Variants in RAD51B observed in about 807,000 individuals in gnomAD.
RAD51B encodes the protein RAD51 paralog B.
Under a neutral mutation model 42.2 loss-of-function variants are expected in RAD51B, and 38 were observed. The ratio of observed to expected loss-of-function variants is 0.90; its 90% CI spans 0.70 to 1.18. RAD51B has a LOEUF of 1.18. Ranked by LOEUF, RAD51B falls within the 50% of genes most tolerant of loss-of-function variation. The pLI is 0.00. For missense variants in RAD51B, 373 were observed against 400.7 expected (o/e 0.93, Z 0.59); for synonymous variants, 154 against 145.2 (o/e 1.06, Z -0.43).
At chr14:68,441,541 C>CAAAAAAAAAAAAAAAAAAAAAAA (rs67477807) in intron 9 of RAD51B, among the ~76,000 whole-genome samples, 1 of 68,034 alleles carries the variant, frequency 1.5e-5, no homozygotes, top group Non-Finnish European at 2.6e-5. Flanking sequence ...GACTCCATCT[C>CAAAAAAAAAAAAAAAAAAAAAAA]AAAAAAAAAA....
intron 7 of RAD51B, among the ~76,000 whole-genome samples, chr14:67,893,967 G>C (rs975852579): frequency 1.3e-5 from 2 of 152,144 alleles, no homozygotes; most frequent in Non-Finnish European, 2.9e-5. Context: ...CCATCATCTT[G>C]GTTCCTGGAG....
chr14:68,374,108 G>T (rs1204433996), intron 8 of RAD51B, among the ~76,000 whole-genome samples: 1 of 152,156 alleles, frequency 6.6e-6, no homozygotes, highest in East Asian at 1.9e-4. Flanking sequence ...TAAGTAAATT[G>T]CCCAATATCA....
chr14:68,155,228 A>T (rs1031953432), intron 7 of RAD51B, among the ~76,000 whole-genome samples: 2 of 148,694 alleles, frequency 1.3e-5, no homozygotes, highest in African/African-American at 5.0e-5. Context: ...GTCTCGCTCT[A>T]TTGCCCAGGC....
chr14:68,667,555 CA>C (rs1893058073), intron 11 of RAD51B, among the ~76,000 whole-genome samples: 2 of 152,200 alleles, frequency 1.3e-5, no homozygotes, highest in African/African-American at 4.8e-5. Context: ...CCATTACATC[CA>C]GCTGGAGCCA....
chr14:68,110,544 G>A (rs1425303618), intron 7 of RAD51B, among the ~76,000 whole-genome samples: 3 of 151,962 alleles, frequency 2.0e-5, no homozygotes, highest in African/African-American at 7.3e-5. Flanking sequence ...AGAATATCTG[G>A]TTTCATAAGC....
At chr14:68,048,931 C>G (rs1057444229) in intron 7 of RAD51B, among the ~76,000 whole-genome samples, 26 of 152,114 alleles carry the variant, frequency 1.7e-4, no homozygotes, top group Non-Finnish European at 2.8e-4. Context: ...CGGTACTATT[C>G]ACAATAGCAA....
intron 7 of RAD51B, among the ~76,000 whole-genome samples, chr14:68,057,424 C>T (rs1020299636): frequency 1.3e-5 from 2 of 151,938 alleles, no homozygotes; most frequent in Admixed American, 6.6e-5. Context: ...TAAAATATAT[C>T]TATAATGAAG....
intron 10 of RAD51B, among the ~76,000 whole-genome samples, chr14:68,470,932 A>G (rs2086108028): frequency 6.6e-6 from 1 of 152,156 alleles, no homozygotes; most frequent in Non-Finnish European, 1.5e-5. Flanking sequence ...CTGCAACATC[A>G]AAGCTAATTT....
At chr14:68,273,624 T>C (rs756154223) in intron 7 of RAD51B, among the ~76,000 whole-genome samples, 17 of 152,224 alleles carry the variant, frequency 1.1e-4, no homozygotes, top group Non-Finnish European at 2.1e-4. Flanking sequence ...AGGTGACCAC[T>C]TGAGTGGGCA....
At chr14:68,554,857 T>G (rs978975596) in intron 10 of RAD51B, among the ~76,000 whole-genome samples, 31 of 142,534 alleles carry the variant, frequency 2.2e-4, no homozygotes, top group Non-Finnish European at 4.9e-4. Context: ...TTAAAAAGTT[T>G]TTTTTTTTTT....
At chr14:68,375,088 A>G (rs746578733) in intron 8 of RAD51B, among the ~76,000 whole-genome samples, 2 of 152,022 alleles carry the variant, frequency 1.3e-5, no homozygotes, top group Non-Finnish European at 2.9e-5. Flanking sequence ...GTTAGTGCAG[A>G]TGGAACTGCT....
At chr14:68,137,924 T>G (rs1684914930) in intron 7 of RAD51B, among the ~76,000 whole-genome samples, 1 of 152,190 alleles carries the variant, frequency 6.6e-6, no homozygotes, top group African/African-American at 2.4e-5. Flanking sequence ...GACATGGGCA[T>G]GACATCACCA....
chr14:67,893,503 CACACACA>C (rs1375523312), intron 7 of RAD51B, among the ~76,000 whole-genome samples: 4 of 99,114 alleles, frequency 4.0e-5, no homozygotes, highest in African/African-American at 1.5e-4. Context: ...CACACACACA[CACACACA>C]AAAAAAAACA....
chr14:68,192,118 C>T (rs2079279928), intron 7 of RAD51B, among the ~76,000 whole-genome samples: 1 of 152,156 alleles, frequency 6.6e-6, no homozygotes, highest in Non-Finnish European at 1.5e-5. Context: ...TTCAGGTCAC[C>T]TACAGGCCAG....
chr14:68,253,928 C>T (rs556116332), intron 7 of RAD51B, among the ~76,000 whole-genome samples: 13 of 152,140 alleles, frequency 8.5e-5, no homozygotes, highest in Non-Finnish European at 1.3e-4. Context: ...TTACTAAAAA[C>T]GAGAAAAATA....
chr14:67,966,478 G>A lies in RAD51B; in HGVS notation c.756+79274G>A, dbSNP rs945362785. ...ACTATATAAGTATTGTATTAACATA[G>A]TATCTTCAAAACATGTGGAATGTTT... On this transcript the variant is annotated intron_variant, in intron 7 of 10. Coordinates refer to ENST00000471583, the MANE Select transcript of RAD51B (RefSeq NM_133510.4). Among the ~76,000 whole-genome samples, 9 of 152,212 alleles carry A rather than the reference G, an allele frequency of 5.9e-5. 1 individual carries two copies. Among genetic ancestry groups the A allele is most frequent in the Admixed American group, 2.0e-4 (3 of 15,290 alleles).
intron 7 of RAD51B, among the ~76,000 whole-genome samples, chr14:68,027,417 C>T (rs1228638107): frequency 2.0e-5 from 3 of 152,090 alleles, no homozygotes; most frequent in Admixed American, 2.0e-4. Context: ...TGGACTGTAT[C>T]CTCAAAAATA....
chr14:68,254,715 A>C (rs2080714835), intron 7 of RAD51B, among the ~76,000 whole-genome samples: 1 of 152,210 alleles, frequency 6.6e-6, no homozygotes, highest in Non-Finnish European at 1.5e-5. Flanking sequence ...TGTTTTATTT[A>C]CTTAAAAGTG....
intron 7 of RAD51B, among the ~76,000 whole-genome samples, chr14:68,199,345 T>C (rs1175537721): frequency 1.3e-5 from 2 of 152,188 alleles, no homozygotes; most frequent in Non-Finnish European, 2.9e-5. Flanking sequence ...TCATGTAATG[T>C]TCACTGTCAG....
Sources: allele counts gnomAD v4.1 joint callset (sites outside exome capture counted in the v4.1 genomes callset), GRCh38; gene constraint gnomAD v4.1.1; transcripts MANE v1.5; gene names NCBI Gene and HGNC (gene_info 2026-07-23, HGNC 2026-07-21).